TMEM132D: variants seen among roughly 807,000 people sequenced by gnomAD.
The protein encoded by TMEM132D is transmembrane protein 132D.
A neutral mutation model predicts 62.3 loss-of-function variants in TMEM132D; 21 were observed. The observed-to-expected ratio is 0.34, with a 90% CI of 0.24 to 0.49. The LOEUF (loss-of-function observed/expected upper bound fraction) is 0.49, where lower values mean the gene tolerates loss of function less well. Among genes scored for constraint, TMEM132D ranks in the 20% least tolerant of loss-of-function variants. The pLI, the probability that TMEM132D is intolerant of heterozygous loss-of-function variation, is 0.99. For missense variants in TMEM132D, 1,346 were observed against 1,402.8 expected (o/e 0.96, Z 0.65); for synonymous variants, 621 against 575.6 (o/e 1.08, Z -1.13).
chr12:129,535,785 T>TGTGTGTGTGTGTGC (rs963936876), intron 2 of TMEM132D, among the ~76,000 whole-genome samples: 1 of 138,724 alleles, frequency 7.2e-6, no homozygotes, highest in African/African-American at 3.4e-5. Flanking sequence ...TGCGTGTGTG[T>TGTGTGTGTGTGTGC]GTGTGTGTGT....
chr12:129,790,082 C>T (rs959135560), intron 1 of TMEM132D, among the ~76,000 whole-genome samples: 5 of 152,206 alleles, frequency 3.3e-5, no homozygotes, highest in African/African-American at 9.6e-5. Flanking sequence ...CTCAGTCCCA[C>T]TGTGTTCCAC....
intron 1 of TMEM132D, among the ~76,000 whole-genome samples, chr12:129,875,765 G>A (rs73160276): frequency 0.11 from 16,291 of 152,132 alleles, 1,615 homozygotes; most frequent in East Asian, 0.57. Context: ...CAGGGCTTCC[G>A]ATTTTCGAGA....
intron 4 of TMEM132D, among the ~76,000 whole-genome samples, chr12:129,320,026 T>G (rs762997827): frequency 1.3e-5 from 2 of 152,304 alleles, no homozygotes; most frequent in African/African-American, 4.8e-5. Flanking sequence ...ACCATGAATA[T>G]GTAGCTGAGG....
chr12:129,255,600 T>C (rs1042995960), intron 4 of TMEM132D, among the ~76,000 whole-genome samples: 1 of 152,212 alleles, frequency 6.6e-6, no homozygotes, highest in Non-Finnish European at 1.5e-5. Flanking sequence ...GCATGGTACA[T>C]AAAATATTTT....
chr12:129,885,163 G>A (rs1874711273), intron 1 of TMEM132D, among the ~76,000 whole-genome samples: 1 of 152,184 alleles, frequency 6.6e-6, no homozygotes. Context: ...ACTTTTGAGG[G>A]TTACAGAAAT....
At chr12:129,517,691 C>T (rs1388611485) in intron 3 of TMEM132D, among the ~76,000 whole-genome samples, 3 of 152,168 alleles carry the variant, frequency 2.0e-5, no homozygotes, top group African/African-American at 7.2e-5. Context: ...AAATTCAATC[C>T]ACATCTTCTC....
intron 3 of TMEM132D, among the ~76,000 whole-genome samples, chr12:129,366,492 G>A (rs1870417393): frequency 6.6e-6 from 1 of 152,042 alleles, no homozygotes; most frequent in Non-Finnish European, 1.5e-5. Context: ...GACCTCCCCA[G>A]AAGCTGAGCA....
At chr12:129,510,497 G>A (rs1196180144) in intron 3 of TMEM132D, among the ~76,000 whole-genome samples, 1 of 152,050 alleles carries the variant, frequency 6.6e-6, no homozygotes, top group Non-Finnish European at 1.5e-5. Flanking sequence ...TGTTTGCTTT[G>A]GCGTGTGTGC....
At chr12:129,869,471 C>G (rs1219711158) in intron 1 of TMEM132D, among the ~76,000 whole-genome samples, 1 of 152,130 alleles carries the variant, frequency 6.6e-6, no homozygotes, top group Non-Finnish European at 1.5e-5. Context: ...CTCATAATAC[C>G]AAACACAATG....
intron 1 of TMEM132D, among the ~76,000 whole-genome samples, chr12:129,843,610 C>T (rs1220637307): frequency 2.0e-5 from 3 of 152,104 alleles, no homozygotes; most frequent in African/African-American, 7.2e-5. Context: ...CTTGTACGAG[C>T]GGAAACAGGG....
At chr12:129,589,347 C>T (rs1878127442) in intron 2 of TMEM132D, among the ~76,000 whole-genome samples, 2 of 152,148 alleles carry the variant, frequency 1.3e-5, no homozygotes, top group Admixed American at 1.3e-4. Context: ...GAGGCCTCCC[C>T]AGTCACGTGG....
intron 2 of TMEM132D, among the ~76,000 whole-genome samples, chr12:129,675,775 C>G (rs905966828): frequency 5.3e-5 from 8 of 152,142 alleles, no homozygotes; most frequent in Non-Finnish European, 1.0e-4. Flanking sequence ...TCCAAACACA[C>G]CCACACACAG....
At chr12:129,351,415 A>G (rs1262466564) in intron 3 of TMEM132D, among the ~76,000 whole-genome samples, 29 of 152,116 alleles carry the variant, frequency 1.9e-4, no homozygotes, top group Admixed American at 1.8e-3. Flanking sequence ...TCAATAATAC[A>G]CGCCCTGGCC....
intron 3 of TMEM132D, among the ~76,000 whole-genome samples, chr12:129,410,222 G>A (rs1469927924): frequency 3.3e-5 from 5 of 152,206 alleles, no homozygotes; most frequent in African/African-American, 1.2e-4. Context: ...ACCACAGAGG[G>A]ACAGGGGTTT....
chr12:129,355,995 C>T (rs1272616057), intron 3 of TMEM132D, among the ~76,000 whole-genome samples: 2 of 152,140 alleles, frequency 1.3e-5, no homozygotes, highest in Non-Finnish European at 1.5e-5. Context: ...CTACCCTGCA[C>T]GCGATTTCAT....
At chr12:129,846,351 T>C (rs1011806107) in intron 1 of TMEM132D, among the ~76,000 whole-genome samples, 1 of 152,218 alleles carries the variant, frequency 6.6e-6, no homozygotes, top group Non-Finnish European at 1.5e-5. Flanking sequence ...AAAGTCTTTC[T>C]GGTTGGTTTT....
chr12:129,858,591 A>G (rs867317252), intron 1 of TMEM132D, among the ~76,000 whole-genome samples: 400 of 17,980 alleles, frequency 0.022, 11 homozygotes, highest in Non-Finnish European at 0.033. Context: ...GAGTCCGGGG[A>G]AACGGGATGG....
At chr12:129,279,596 T>G (rs948390529) in intron 4 of TMEM132D, among the ~76,000 whole-genome samples, 3 of 152,270 alleles carry the variant, frequency 2.0e-5, no homozygotes, top group African/African-American at 7.2e-5. Flanking sequence ...ACAAAATCTT[T>G]CAGTAGAGAG....
intron 3 of TMEM132D, among the ~76,000 whole-genome samples, chr12:129,462,082 T>C (rs1873695910): frequency 6.6e-6 from 1 of 152,160 alleles, no homozygotes. Flanking sequence ...AAGTTCTAAA[T>C]AATAGAAAAA....
Sources: allele counts gnomAD v4.1 joint callset (sites outside exome capture counted in the v4.1 genomes callset), GRCh38; gene constraint gnomAD v4.1.1; transcripts MANE v1.5; gene names NCBI Gene and HGNC (gene_info 2026-07-23, HGNC 2026-07-21).